The following ABCA13 variants were observed in gnomAD, a reference collection of about 807,000 sequenced individuals.
ABCA13 encodes the protein ATP binding cassette subfamily A member 13.
ABCA13 carries 476 observed loss-of-function variants against 478.7 expected under a neutral mutation model. The observed-to-expected ratio is 0.99, with a 90% confidence interval of 0.92 to 1.07. The LOEUF (loss-of-function observed/expected upper bound fraction) is 1.07, where lower values mean the gene tolerates loss of function less well. Among genes scored for constraint, ABCA13 ranks in the 50% least tolerant of loss-of-function variants. ABCA13 has a pLI of 0.00. For missense variants in ABCA13, 6,060 were observed against 5,910.6 expected (o/e 1.03, Z -0.83); for synonymous variants, 2,252 against 2,158.9 (o/e 1.04, Z -1.20).
intron 55 of ABCA13, among the ~76,000 whole-genome samples, chr7:48,565,481 G>A (rs138463489): frequency 3.0e-3 from 454 of 152,028 alleles, no homozygotes; most frequent in Non-Finnish European, 2.5e-3. Context: ...TGAAATACCC[G>A]AGAGAACTTC....
intron 55 of ABCA13, among the ~76,000 whole-genome samples, chr7:48,547,108 G>C (rs1784888447): frequency 6.6e-6 from 1 of 151,790 alleles, no homozygotes; most frequent in African/African-American, 2.4e-5. Context: ...TCAATTATCT[G>C]TCTGCATGTA....
chr7:48,441,730 A>G (rs1054326460), intron 42 of ABCA13, among the ~76,000 whole-genome samples: 13 of 152,262 alleles, frequency 8.5e-5, no homozygotes, highest in Admixed American at 6.5e-4. Flanking sequence ...TTCTCACTTC[A>G]TCATTACAAC....
chr7:48,227,251 T>G lies in ABCA13; in HGVS notation c.469-11T>G, dbSNP rs758965518. The G allele has an allele frequency of 2.4e-5, 38 of 1,612,012 alleles. No homozygotes were observed. The highest frequency in any genetic ancestry group is 3.0e-5 in the Non-Finnish European group (35 of 1,179,332). On this transcript the variant is annotated splice_polypyrimidine_tract_variant and intron_variant, in intron 5 of 61. Coordinates refer to ENST00000435803, the MANE Select transcript of ABCA13 (RefSeq NM_152701.5). ...AGAGGGAAACTTTTGGTGTATTTTT[T>G]TTCCCATCAGATGGATCTCAATAAG...
chr7:48,501,818 C>T (rs771213650), intron 48 of ABCA13, among the ~76,000 whole-genome samples: 9 of 152,090 alleles, frequency 5.9e-5, no homozygotes, highest in East Asian at 1.9e-4. Context: ...GGATCCATTG[C>T]GGCTCATTGT....
At chr7:48,514,525 A>G (rs1831963968) in intron 51 of ABCA13, among the ~76,000 whole-genome samples, 1 of 152,230 alleles carries the variant, frequency 6.6e-6, no homozygotes, top group South Asian at 2.1e-4. Flanking sequence ...AATGAATTTT[A>G]TAGCAATTAC....
intron 42 of ABCA13, among the ~76,000 whole-genome samples, chr7:48,453,374 A>C (rs149942274): frequency 3.7e-4 from 56 of 152,312 alleles, no homozygotes; most frequent in Non-Finnish European, 5.9e-4. Flanking sequence ...TATTCATTAA[A>C]ATTAAATACT....
intron 3 of ABCA13, among the ~76,000 whole-genome samples, chr7:48,217,185 G>C (rs1786613262): frequency 6.6e-6 from 1 of 152,134 alleles, no homozygotes; most frequent in South Asian, 2.1e-4. Context: ...TTATGGAGTT[G>C]ACCTAGTACT....
At chr7:48,232,697 G>A (rs1281743632) in intron 7 of ABCA13, among the ~76,000 whole-genome samples, 1 of 152,124 alleles carries the variant, frequency 6.6e-6, no homozygotes, top group Non-Finnish European at 1.5e-5. Context: ...AATCCAAGTT[G>A]TCTTTCACTT....
intron 51 of ABCA13, among the ~76,000 whole-genome samples, chr7:48,512,188 T>C (rs756511323): frequency 1.3e-5 from 2 of 152,128 alleles, no homozygotes; most frequent in Admixed American, 6.5e-5. Flanking sequence ...TGGGGGAACA[T>C]TGATATTACT....
intron 55 of ABCA13, among the ~76,000 whole-genome samples, chr7:48,560,891 T>G (rs1786384401): frequency 6.6e-6 from 1 of 152,176 alleles, no homozygotes; most frequent in Non-Finnish European, 1.5e-5. Context: ...TAATCATGAT[T>G]CTACTGTCTG....
At chr7:48,400,420 C>T (rs1171109648) in intron 38 of ABCA13, among the ~76,000 whole-genome samples, 1 of 152,214 alleles carries the variant, frequency 6.6e-6, no homozygotes, top group Non-Finnish European at 1.5e-5. Context: ...TCTTTTCCTC[C>T]TTTCCCTGCT....
Position 48,587,061 on chromosome 7 carries a change from T to G in ABCA13, c.14506-93T>G, listed in dbSNP as rs1387738842. The stretch of plus-strand genomic sequence containing the variant: ...TATGTGTGAAGGTCGGCAGGGTTAG[T>G]GGGAGGTAGAAGCAGGAATGAGGAC... On this transcript the variant is annotated intron_variant, in intron 56 of 61. Coordinates refer to ENST00000435803, the MANE Select transcript of ABCA13 (RefSeq NM_152701.5). The G allele has an allele frequency of 2.6e-6, 4 of 1,540,218 alleles. No individual in the cohort carries two copies. In the African/African-American group the frequency reaches 5.4e-5, roughly 21 times the overall value.
chr7:48,621,538 T>C (rs984956124), intron 59 of ABCA13, among the ~76,000 whole-genome samples: 2 of 152,202 alleles, frequency 1.3e-5, no homozygotes, highest in Non-Finnish European at 2.9e-5. Flanking sequence ...AGGTTTTAGT[T>C]CACCAGGAGG....
At chr7:48,455,352 C>A (rs1407920660) in intron 43 of ABCA13, 66 bp downstream of exon 43, 5 of 1,502,332 alleles carry the variant, frequency 3.3e-6, no homozygotes, top group Non-Finnish European at 3.6e-6. Context: ...GCAATAGCTT[C>A]GATACTTTTG....
Position 48,389,157 on chromosome 7 carries a change from C to T in ABCA13, c.11591C>T (p.Thr3864Ile). The T allele has an allele frequency of 6.2e-7, 1 of 1,613,956 alleles. No homozygotes were observed. Among genetic ancestry groups the T allele is most frequent in the Non-Finnish European group, 8.5e-7 (1 of 1,179,876 alleles). ...GCTGTGGTCCAAGACCTCAGCCTGA[C>T]CTTCTACAGAGACCAAATCACCGCC... Reference protein sequence around the residue: ...HKAVVQDLSLTFYRDQITALL... With the variant: ...HKAVVQDLSLIFYRDQITALL... Residue 3864 changes from threonine to isoleucine, a missense_variant, in exon 37 of 62, where the codon ACC becomes ATC. Transcript: ENST00000435803.
chr7:48,387,946 C>T lies in ABCA13; in HGVS notation c.11460C>T (p.Asn3820=), dbSNP rs571200513. The T allele has an allele frequency of 1.2e-6, 2 of 1,607,940 alleles. No homozygotes were observed. Among genetic ancestry groups the T allele is most frequent in the African/African-American group, 2.7e-5 (2 of 74,540 alleles). ...LSSSLFFFNE[N]FDNKGSSLQN... Reference sequence around the variant, plus strand: ...CTAGTCTGTTCTTCTTCAATGAGAACTTTGACAATAAAGGTTTGTAAGGAG... The same window carrying T: ...CTAGTCTGTTCTTCTTCAATGAGAATTTTGACAATAAAGGTTTGTAAGGAG... The change falls in exon 36 of 62, where the codon AAC becomes AAT. Residue 3820 remains asparagine, a synonymous_variant. Transcript: ENST00000435803.
At chr7:48,199,151 C>T (rs1798327148) in intron 3 of ABCA13, among the ~76,000 whole-genome samples, 2 of 152,100 alleles carry the variant, frequency 1.3e-5, no homozygotes, top group African/African-American at 2.4e-5. Context: ...CAAATGTTGA[C>T]ATATATGATC....
intron 1 of ABCA13, among the ~76,000 whole-genome samples, chr7:48,172,797 CAAAAAAAAAAAAAAAAAAAAAAAA>C (rs36196847): frequency 5.3e-5 from 4 of 75,512 alleles, no homozygotes; most frequent in African/African-American, 1.6e-4. Context: ...GACTCCGTCT[CAAAAAAAAAAAAAAAAAAAAAAAA>C]AAAAAAAAAA....
chr7:48,365,610 G>C (rs1006414879), intron 31 of ABCA13, among the ~76,000 whole-genome samples: 1 of 152,124 alleles, frequency 6.6e-6, no homozygotes. Flanking sequence ...AAGAGATAAG[G>C]CTCTAGTTTC....
Sources: allele counts gnomAD v4.1 joint callset (sites outside exome capture counted in the v4.1 genomes callset), GRCh38; gene constraint gnomAD v4.1.1; transcripts MANE v1.5; gene names NCBI Gene and HGNC (gene_info 2026-07-23, HGNC 2026-07-21).